Variants in GRHL2 observed in about 807,000 individuals in gnomAD.
The protein encoded by GRHL2 is grainyhead like transcription factor 2.
GRHL2 carries 21 observed loss-of-function variants against 83.8 expected under a neutral mutation model. That is an observed-to-expected ratio of 0.25 (90% CI 0.18 to 0.36). The LOEUF is 0.36. GRHL2 is among the 10% of genes least tolerant of loss of function. GRHL2 has a pLI of 1.00. For missense variants in GRHL2, 623 were observed against 781.8 expected (o/e 0.80, Z 2.42); for synonymous variants, 280 against 278.9 (o/e 1.00, Z -0.04).
chr8:101,653,945 C>T (rs1035523841), intron 14 of GRHL2, among the ~76,000 whole-genome samples: 1 of 152,218 alleles, frequency 6.6e-6, no homozygotes, highest in Non-Finnish European at 1.5e-5. Context: ...TAAGGTCCTA[C>T]ATGCATTATT....
chr8:101,612,313 G>A (rs1408324426), intron 8 of GRHL2, among the ~76,000 whole-genome samples: 9 of 150,896 alleles, frequency 6.0e-5, no homozygotes, highest in Non-Finnish European at 1.3e-4. Context: ...CTTAAAGCAA[G>A]CAGAGTCTGG....
chr8:101,543,493 G>C, intron 2 of GRHL2, 57 bp downstream of exon 2: 1 of 1,505,450 alleles, frequency 6.6e-7, no homozygotes, highest in Non-Finnish European at 9.2e-7. Flanking sequence ...CCCTTTGCTG[G>C]TGGGAAGAAG....
chr8:101,532,622 C>A lies in GRHL2; in HGVS notation c.21-10619C>A, dbSNP rs535852467. ...AAAATTAGCTGGGCGTGGTGGCATGCACCTGCAATCCCAGCTACTCGGCGG... is the reference window on the plus strand; with the variant it reads ...AAAATTAGCTGGGCGTGGTGGCATGAACCTGCAATCCCAGCTACTCGGCGG... On this transcript the variant is annotated intron_variant, in intron 1 of 15. Transcript: ENST00000646743. Among the ~76,000 whole-genome samples the A allele has an allele frequency of 5.9e-4, 90 of 152,046 alleles. 1 individual carries two copies. Among genetic ancestry groups the A allele is most frequent in the African/African-American group, 2.0e-3 (84 of 41,472 alleles).
At chr8:101,616,496 G>A (rs1057251076) in intron 8 of GRHL2, among the ~76,000 whole-genome samples, 3 of 152,134 alleles carry the variant, frequency 2.0e-5, no homozygotes, top group Non-Finnish European at 4.4e-5. Context: ...AGTAGTCTTT[G>A]TCACTCAGTT....
intron 6 of GRHL2, among the ~76,000 whole-genome samples, chr8:101,574,731 A>G (rs1054198057): frequency 6.6e-6 from 1 of 152,268 alleles, no homozygotes; most frequent in African/African-American, 2.4e-5. Flanking sequence ...TGTGCCCATC[A>G]GGAGAATTAG....
chr8:101,599,182 C>G, intron 8 of GRHL2, 31 bp downstream of exon 8: 5 of 1,346,748 alleles, frequency 3.7e-6, no homozygotes, highest in Non-Finnish European at 5.3e-6. Context: ...GTTTATACCT[C>G]TTAATATGTG....
At chr8:101,556,468 T>C (rs1811490900) in intron 3 of GRHL2, among the ~76,000 whole-genome samples, 1 of 152,242 alleles carries the variant, frequency 6.6e-6, no homozygotes, top group African/African-American at 2.4e-5. Flanking sequence ...ACTTGGCTAA[T>C]AAAATCATTT....
intron 7 of GRHL2, among the ~76,000 whole-genome samples, chr8:101,598,572 G>T (rs1280896949): frequency 7.0e-6 from 1 of 142,558 alleles, no homozygotes; most frequent in Non-Finnish European, 1.5e-5. Context: ...CTTTACTGTG[G>T]TCTCCTGAAT....
chr8:101,555,989 C>G (rs943457978), intron 3 of GRHL2, among the ~76,000 whole-genome samples: 1 of 152,094 alleles, frequency 6.6e-6, no homozygotes, highest in Admixed American at 6.6e-5. Context: ...GGGTTTTGCC[C>G]TTGTTGCCCA....
At chr8:101,585,873 A>G (rs568348972) in intron 7 of GRHL2, among the ~76,000 whole-genome samples, 21 of 152,060 alleles carry the variant, frequency 1.4e-4, no homozygotes, top group Admixed American at 9.8e-4. Context: ...TGAATCCTGG[A>G]AACTCATTCT....
intron 7 of GRHL2, among the ~76,000 whole-genome samples, chr8:101,589,099 G>A (rs1043310668): frequency 6.6e-6 from 1 of 152,142 alleles, no homozygotes; most frequent in African/African-American, 2.4e-5. Context: ...ACTCCCAAGA[G>A]TGTCAGTATA....
At chr8:101,530,479 TG>T (rs1280077880) in intron 1 of GRHL2, among the ~76,000 whole-genome samples, 2 of 152,248 alleles carry the variant, frequency 1.3e-5, no homozygotes, top group Admixed American at 6.5e-5. Context: ...ATCATATTTT[TG>T]TTTGCTCTTA....
chr8:101,536,749 T>C (rs1465770431), intron 1 of GRHL2, among the ~76,000 whole-genome samples: 2 of 152,202 alleles, frequency 1.3e-5, no homozygotes, highest in Non-Finnish European at 2.9e-5. Context: ...TGATTTTAAA[T>C]TGACAGCAAG....
At chr8:101,534,507 T>C (rs1347008473) in intron 1 of GRHL2, among the ~76,000 whole-genome samples, 1 of 152,094 alleles carries the variant, frequency 6.6e-6, no homozygotes, top group Non-Finnish European at 1.5e-5. Context: ...TAATATCACT[T>C]CTGCTATGTC....
At chr8:101,520,060 T>C (rs558633427) in intron 1 of GRHL2, among the ~76,000 whole-genome samples, 2 of 152,376 alleles carry the variant, frequency 1.3e-5, no homozygotes, top group Admixed American at 1.3e-4. Context: ...AAAGTCAATT[T>C]GTTTGCCCTA....
At chr8:101,658,731 G>A (rs1813851469) in intron 14 of GRHL2, among the ~76,000 whole-genome samples, 1 of 152,150 alleles carries the variant, frequency 6.6e-6, no homozygotes, top group Non-Finnish European at 1.5e-5. Context: ...ACAGATATAA[G>A]CTGCTTGATG....
chr8:101,545,870 A>ATTTTTTTTTTTTTTTT lies in GRHL2; in HGVS notation c.216+2449_216+2464dup, dbSNP rs1174568425. ...GATCATTACAACTTCTCTTTGTAAC[A>ATTTTTTTTTTTTTTTT]TTTTTTTTTTTTTTTTTTTTTTTTT... On this transcript the variant is annotated intron_variant, in intron 2 of 15. Coordinates refer to ENST00000646743, the MANE Select transcript of GRHL2 (RefSeq NM_024915.4). Among the ~76,000 whole-genome samples the ATTTTTTTTTTTTTTTT allele has an allele frequency of 4.8e-5, 4 of 83,634 alleles. 1 individual carries two copies. The highest frequency in any genetic ancestry group is 3.5e-4 in the East Asian group (1 of 2,834). 54.9% of individuals were successfully genotyped at this position (83,634 alleles called of 152,430 possible).
chr8:101,652,537 G>GTGTGTGGTGTT (rs1563627505), intron 14 of GRHL2, among the ~76,000 whole-genome samples: 13 of 47,172 alleles, frequency 2.8e-4, no homozygotes, highest in African/African-American at 9.5e-4. Flanking sequence ...TGTGTGGTGT[G>GTGTGTGGTGTT]TGTGTGTGTG....
At chr8:101,604,633 A>G (rs1812593125) in intron 8 of GRHL2, among the ~76,000 whole-genome samples, 1 of 152,106 alleles carries the variant, frequency 6.6e-6, no homozygotes, top group African/African-American at 2.4e-5. Flanking sequence ...CAATTTGTCC[A>G]TGTCTCTATG....
Sources: gnomAD v4.1 joint callset for allele counts (sites outside exome capture counted in the v4.1 genomes callset) on GRCh38, gnomAD v4.1.1 for gene constraint, MANE v1.5 for transcripts, NCBI Gene and HGNC (gene_info 2026-07-23, HGNC 2026-07-21) for gene names.